TRIM69: variants seen among roughly 807,000 people sequenced by gnomAD.
The protein encoded by TRIM69 is tripartite motif containing 69, also known as E3 ubiquitin-protein ligase TRIM69.
Under a neutral mutation model 37.7 loss-of-function variants are expected in TRIM69, and 29 were observed. That is an observed-to-expected ratio of 0.77 (90% CI 0.57 to 1.05). The LOEUF is 1.05. Ranked by LOEUF, TRIM69 falls within the 50% of genes least tolerant of loss-of-function variation. The pLI, the probability that TRIM69 is intolerant of heterozygous loss-of-function variation, is 0.00. For missense variants in TRIM69, 596 were observed against 579.9 expected, an observed-to-expected ratio of 1.03 and a Z score of -0.28; for synonymous variants, 209 against 212.4, an observed-to-expected ratio of 0.98 and a Z score of 0.14.
intron 2 of TRIM69, 151 bp from the exon 3 acceptor site, chr15:44,756,217 G>A: frequency 1.9e-6 from 1 of 535,162 alleles, no homozygotes; most frequent in Non-Finnish European, 3.4e-6. Context: ...CACAATTCTT[G>A]AACGAGACAA....
At chr15:44,760,798 C>T (rs1373620739) in intron 6 of TRIM69, among the ~76,000 whole-genome samples, 2 of 152,198 alleles carry the variant, frequency 1.3e-5, no homozygotes, top group African/African-American at 4.8e-5. Context: ...CTTCTACTCT[C>T]AGCCTCTAAC....
rs1363844884 is a variant in TRIM69 at position 44,767,275 on chromosome 15, C to G, written c.1006C>G (p.Leu336Val). 2.5e-6 allele frequency: 4 copies of G among 1,613,914 alleles called. No individual in the cohort carries two copies. Among genetic ancestry groups the G allele is most frequent in the Non-Finnish European group, 3.4e-6 (4 of 1,179,994 alleles). The change falls in exon 7 of 7, where the codon CTG (leucine) becomes GTG (valine). Residue 336 changes from leucine (L) to valine (V), a missense_variant. By Grantham distance (32) the Leu-to-Val change is conservative. Transcript: ENST00000329464. ...GGACCCTAAAACAGCTCACCCAAAT[C>G]TGGTGCTCTCCAAAAGCCAAACCAG... ...TLDPKTAHPNLVLSKSQTSVW... is the reference protein window; with the variant it reads ...TLDPKTAHPNVVLSKSQTSVW...
At chr15:44,766,441 C>T (rs2087889246) in intron 6 of TRIM69, among the ~76,000 whole-genome samples, 1 of 152,130 alleles carries the variant, frequency 6.6e-6, no homozygotes, top group Non-Finnish European at 1.5e-5. Context: ...TTGCCTGTGT[C>T]TAACAGGCAA....
chr15:44,742,782 G>A (rs991066510), intron 1 of TRIM69, among the ~76,000 whole-genome samples: 1 of 149,336 alleles, frequency 6.7e-6, no homozygotes, highest in Non-Finnish European at 1.5e-5. Context: ...TCTTCAAGGA[G>A]AACTACAAAC....
intron 1 of TRIM69, among the ~76,000 whole-genome samples, chr15:44,744,846 A>C (rs534067157): frequency 2.0e-5 from 3 of 151,456 alleles, no homozygotes; most frequent in Non-Finnish European, 4.4e-5. Flanking sequence ...TTCACAGATG[A>C]GATGGCTACC....
At chr15:44,742,847 C>A (rs1227058082) in intron 1 of TRIM69, among the ~76,000 whole-genome samples, 1 of 151,492 alleles carries the variant, frequency 6.6e-6, no homozygotes, top group Non-Finnish European at 1.5e-5. Context: ...ATTCCACGCT[C>A]ATGGATAGGA....
intron 1 of TRIM69, among the ~76,000 whole-genome samples, chr15:44,750,717 T>TTTC (rs1335452212): frequency 1.6e-3 from 5 of 3,072 alleles, no homozygotes; most frequent in African/African-American, 4.6e-3. Flanking sequence ...TACTTTTTCT[T>TTTC]TTTTTTTTTT....
At chr15:44,759,951 T>C in intron 6 of TRIM69, 79 bp downstream of exon 6, 3 of 1,527,310 alleles carry the variant, frequency 2.0e-6, no homozygotes, top group Non-Finnish European at 2.7e-6. Flanking sequence ...GTGGCCCTAA[T>C]TAAGTTTTTA....
At chr15:44,745,782 T>C (rs2087393750) in intron 1 of TRIM69, among the ~76,000 whole-genome samples, 2 of 152,086 alleles carry the variant, frequency 1.3e-5, no homozygotes, top group African/African-American at 4.8e-5. Context: ...CAAGAAGTGT[T>C]CAAATCAGAT....
At chr15:44,763,650 A>G (rs1047966368) in intron 6 of TRIM69, among the ~76,000 whole-genome samples, 10 of 152,202 alleles carry the variant, frequency 6.6e-5, no homozygotes, top group African/African-American at 2.4e-4. Context: ...CTGGATGCCA[A>G]ATATGATGAA....
Position 44,767,269 on chromosome 15 carries a change from C to G in TRIM69, c.1000C>G (p.Pro334Ala). 1.2e-6 allele frequency: 2 copies of G among 1,613,824 alleles called. No individual in the cohort carries two copies. The highest frequency in any genetic ancestry group is 1.7e-6 in the Non-Finnish European group (2 of 1,179,980). Residue 334 changes from proline (P) to alanine (A), a missense_variant, in exon 7 of 7, where the codon CCA becomes GCA. Pro to Ala is a conservative substitution (Grantham distance 27). Coordinates refer to ENST00000329464, the MANE Select transcript of TRIM69 (RefSeq NM_182985.5). Reference sequence around the variant, plus strand: ...AACTCTGGACCCTAAAACAGCTCACCCAAATCTGGTGCTCTCCAAAAGCCA... The same window carrying G: ...AACTCTGGACCCTAAAACAGCTCACGCAAATCTGGTGCTCTCCAAAAGCCA... ...PLTLDPKTAH[P>A]NLVLSKSQTS... is the part of the protein sequence containing the mutation.
Position 44,755,155 on chromosome 15 carries a change from A to G in TRIM69, c.262A>G (p.Asn88Asp). ...CPECKMLCQYNNCTFNPVLDK... is the reference protein window; with the variant it reads ...CPECKMLCQYDNCTFNPVLDK... ...TGAGTGTAAGATGCTATGTCAGTATAACAACTGTACATTCAACCCTGTACT... is the reference window on the plus strand; with the variant it reads ...TGAGTGTAAGATGCTATGTCAGTATGACAACTGTACATTCAACCCTGTACT... The change falls in exon 2 of 7, where the codon AAC (asparagine) becomes GAC (aspartate). Residue 88 changes from asparagine (N) to aspartate (D), a missense_variant. Transcript: ENST00000329464. The G allele has an allele frequency of 6.2e-7, 1 of 1,614,226 alleles. No individual in the cohort carries two copies. Among genetic ancestry groups the G allele is most frequent in the East Asian group, 2.2e-5 (1 of 44,894 alleles).
In TRIM69 at chr15:44,752,588, G is replaced by T. The variant is rs149076297; in HGVS notation, c.7-2312G>T. 8.6e-3 allele frequency among the ~76,000 whole-genome samples: 1,309 copies of T among 152,146 alleles called. 18 individuals are homozygous for T. Among genetic ancestry groups the T allele is most frequent in the African/African-American group, 0.027 (1,107 of 41,512 alleles). On this transcript the variant is annotated intron_variant, in intron 1 of 6. Transcript: ENST00000329464. ...ATTTTTATCCATTTTCCTAATCTGT[G>T]CCTTTTAATCAGAAGTTAATCTATT...
chr15:44,742,842 A>C (rs2087321210), intron 1 of TRIM69, among the ~76,000 whole-genome samples: 1 of 151,542 alleles, frequency 6.6e-6, no homozygotes, highest in South Asian at 2.1e-4. Context: ...AGAACATTCC[A>C]CGCTCATGGA....
At position 44,758,691 on chromosome 15, in the gene TRIM69, A is replaced by C. The variant is rs772968287; in HGVS notation, c.650A>C (p.Lys217Thr). 3 of 1,614,180 alleles carry C rather than the reference A, an allele frequency of 1.9e-6. No homozygotes were observed. The highest frequency in any genetic ancestry group is 2.5e-6 in the Non-Finnish European group (3 of 1,180,024). Residue 217 changes from lysine to threonine, a missense_variant, in exon 4 of 7, where the codon AAA becomes ACA. Lys to Thr is a moderately conservative substitution (Grantham distance 78, BLOSUM62 -1). Coordinates refer to ENST00000329464, the MANE Select transcript of TRIM69 (RefSeq NM_182985.5). ...FLKLHQFLHS[K>T]EKDILTELRE... ...AAGCTGCATCAGTTCCTGCACAGCA[A>C]AGAAAAGGACATTTTAACTGAGCTC... is the stretch of plus-strand genomic sequence containing the variant.
chr15:44,738,899 C>A (rs1309182029), intron 1 of TRIM69, among the ~76,000 whole-genome samples: 1 of 152,138 alleles, frequency 6.6e-6, no homozygotes, highest in Non-Finnish European at 1.5e-5. Context: ...TATAATTAAT[C>A]CCTTGTTTTA....
Position 44,767,219 on chromosome 15 carries a change from T to C in TRIM69, c.962-12T>C. On this transcript the variant is annotated splice_polypyrimidine_tract_variant and intron_variant, in intron 6 of 6. Coordinates refer to ENST00000329464, the MANE Select transcript of TRIM69 (RefSeq NM_182985.5). ...TTCTCCCATGCTCTGCTTTCTTTTA[T>C]TTTCTTACTAGGCCTGTCTCCACTA... 3 of 1,601,068 alleles carry C rather than the reference T, an allele frequency of 1.9e-6. No individual in the cohort carries two copies. Among genetic ancestry groups the C allele is most frequent in the Non-Finnish European group, 2.6e-6 (3 of 1,173,968 alleles).
At chr15:44,744,109 T>G (rs892094390) in intron 1 of TRIM69, among the ~76,000 whole-genome samples, 1 of 151,662 alleles carries the variant, frequency 6.6e-6, no homozygotes, top group Non-Finnish European at 1.5e-5. Context: ...ATATACACCA[T>G]GGAATACTAT....
intron 3 of TRIM69, 99 bp from the exon 4 acceptor site, chr15:44,758,522 G>T: frequency 6.7e-7 from 1 of 1,500,204 alleles, no homozygotes. Flanking sequence ...ATTTTTCTGT[G>T]ATGGTATTTA....
Sources: allele counts gnomAD v4.1 joint callset (sites outside exome capture counted in the v4.1 genomes callset), GRCh38; gene constraint gnomAD v4.1.1; transcripts MANE v1.5; gene names NCBI Gene and HGNC (gene_info 2026-07-23, HGNC 2026-07-21).